Variants in PDE3A observed in about 807,000 individuals in gnomAD.
PDE3A encodes cGMP-inhibited 3',5'-cyclic phosphodiesterase 3A.
In PDE3A, 43 loss-of-function variants were observed where a neutral mutation model predicts 98.3. The ratio of observed to expected loss-of-function variants is 0.44; its 90% CI spans 0.34 to 0.56. The LOEUF (loss-of-function observed/expected upper bound fraction) is 0.56, where lower values mean the gene tolerates loss of function less well. Among genes scored for constraint, PDE3A ranks in the 20% least tolerant of loss-of-function variants. The pLI is 0.01. For synonymous variants in PDE3A, 663 were observed against 567.9 expected, an observed-to-expected ratio of 1.17 and a Z score of -2.38; for missense variants, 1,427 against 1,440.7, an observed-to-expected ratio of 0.99 and a Z score of 0.15.
chr12:20,666,121 T>A (rs1945304237), intron 15 of PDE3A, among the ~76,000 whole-genome samples: 1 of 151,844 alleles, frequency 6.6e-6, no homozygotes, highest in South Asian at 2.1e-4. Flanking sequence ...TATGCCACCA[T>A]GCCCGGCTAA....
intron 1 of PDE3A, among the ~76,000 whole-genome samples, chr12:20,472,541 G>GTC (rs1472429046): frequency 6.6e-6 from 1 of 152,030 alleles, no homozygotes; most frequent in East Asian, 1.9e-4. Flanking sequence ...TGTTAAATCT[G>GTC]TCTCTGAATC....
Position 20,668,153 on chromosome 12 carries a change from C to T in PDE3A, c.3185-11877C>T, listed in dbSNP as rs193116441. Among the ~76,000 whole-genome samples the T allele has an allele frequency of 7.1e-3, 1,075 of 150,714 alleles. 5 individuals carry two copies. The highest frequency in any genetic ancestry group is 0.025 in the African/African-American group (1,023 of 41,042). ...GCGCTTTTCCGACGGGCTTAAAAAA[C>T]GGCGCACCATGAGATTATATCCCGC... On this transcript the variant is annotated intron_variant, in intron 15 of 15. Coordinates refer to ENST00000359062, the MANE Select transcript of PDE3A (RefSeq NM_000921.5).
chr12:20,506,656 C>T (rs963317809), intron 1 of PDE3A, among the ~76,000 whole-genome samples: 8 of 151,792 alleles, frequency 5.3e-5, no homozygotes, highest in South Asian at 2.1e-4. Flanking sequence ...ATATTTGATA[C>T]GTTAACCTGG....
intron 15 of PDE3A, among the ~76,000 whole-genome samples, chr12:20,668,827 C>A (rs1945391887): frequency 6.6e-6 from 1 of 151,724 alleles, no homozygotes; most frequent in Non-Finnish European, 1.5e-5. Context: ...TCCTCACCAG[C>A]AACGGAACAA....
chr12:20,406,324 C>G (rs571692615), intron 1 of PDE3A, among the ~76,000 whole-genome samples: 1 of 152,254 alleles, frequency 6.6e-6, no homozygotes, highest in Non-Finnish European at 1.5e-5. Flanking sequence ...TTTTCGTAAT[C>G]AGTTTACTAA....
chr12:20,629,820 G>A, intron 5 of PDE3A, 88 bp from the exon 6 acceptor site: 1 of 1,006,570 alleles, frequency 9.9e-7, no homozygotes, highest in South Asian at 1.4e-5. Flanking sequence ...TTGTTACTGA[G>A]TTTGTAAGAG....
At chr12:20,591,914 A>T (rs560620296) in intron 2 of PDE3A, among the ~76,000 whole-genome samples, 21 of 152,346 alleles carry the variant, frequency 1.4e-4, no homozygotes, top group Admixed American at 1.4e-3. Flanking sequence ...GAATAAGTAA[A>T]TGTATTTATA....
chr12:20,511,282 C>T (rs780818915), intron 1 of PDE3A, among the ~76,000 whole-genome samples: 3 of 152,024 alleles, frequency 2.0e-5, no homozygotes, highest in African/African-American at 7.2e-5. Flanking sequence ...GCACTGAGAT[C>T]GTGATTTCTA....
At chr12:20,571,536 C>T (rs1297074861) in intron 2 of PDE3A, among the ~76,000 whole-genome samples, 1 of 152,140 alleles carries the variant, frequency 6.6e-6, no homozygotes. Context: ...TTGAATCCTA[C>T]ATTCTGATTA....
At chr12:20,451,679 C>G (rs1011052528) in intron 1 of PDE3A, among the ~76,000 whole-genome samples, 14 of 152,134 alleles carry the variant, frequency 9.2e-5, no homozygotes, top group African/African-American at 3.4e-4. Flanking sequence ...AGAAGAATCC[C>G]AAAGCAAAAG....
intron 5 of PDE3A, 110 bp from the exon 6 acceptor site, chr12:20,629,798 G>A: frequency 1.3e-6 from 1 of 797,338 alleles, no homozygotes. Context: ...GGTGACCTGA[G>A]CAGGCACGTG....
chr12:20,646,541 C>T lies in PDE3A; in HGVS notation c.2303C>T (p.Thr768Ile). ...TDVLHAVWYL[T>I]TQPIPGLSTV... The stretch of plus-strand genomic sequence containing the variant: ...GTTTTACATGCTGTTTGGTATCTTA[C>T]TACACAGCCTATTCCAGGCCTCTCA... Residue 768 changes from threonine (T) to isoleucine (I), a missense_variant, in exon 11 of 16, where the codon ACT becomes ATT. By Grantham distance (89) the Thr-to-Ile change is moderately conservative (BLOSUM62 -1). This residue lies in a region of PDE3A where 273 missense variants were observed against 420.3 expected (regional missense o/e 0.65). Transcript: ENST00000359062. The T allele has an allele frequency of 6.2e-7, 1 of 1,610,830 alleles. No individual in the cohort carries two copies. The highest frequency in any genetic ancestry group is 8.5e-7 in the Non-Finnish European group (1 of 1,177,050).
At chr12:20,398,571 A>C (rs1357121329) in intron 1 of PDE3A, among the ~76,000 whole-genome samples, 2 of 152,102 alleles carry the variant, frequency 1.3e-5, no homozygotes, top group Non-Finnish European at 2.9e-5. Context: ...TGTATTCTGT[A>C]AAATGATATA....
intron 15 of PDE3A, among the ~76,000 whole-genome samples, chr12:20,655,034 A>C (rs563116613): frequency 1.3e-5 from 2 of 152,290 alleles, no homozygotes; most frequent in South Asian, 4.1e-4. Flanking sequence ...AAAATAAAAT[A>C]AAATCCTTGC....
At chr12:20,439,359 A>G (rs1362616955) in intron 1 of PDE3A, among the ~76,000 whole-genome samples, 1 of 152,210 alleles carries the variant, frequency 6.6e-6, no homozygotes, top group African/African-American at 2.4e-5. Context: ...GTTTATATCC[A>G]CATATCATGT....
At chr12:20,418,572 T>A (rs1179341562) in intron 1 of PDE3A, among the ~76,000 whole-genome samples, 2 of 152,192 alleles carry the variant, frequency 1.3e-5, no homozygotes, top group Non-Finnish European at 2.9e-5. Context: ...AAGGCTTTCT[T>A]TTTTAACCAC....
chr12:20,637,184 A>G lies in PDE3A; in HGVS notation c.2086A>G (p.Ile696Val). ...GCAGCTAAATACTTGGAATTTTCCAATTTTTGATTTAGTGGAAAATATAGG... is the reference window on the plus strand; with the variant it reads ...GCAGCTAAATACTTGGAATTTTCCAGTTTTTGATTTAGTGGAAAATATAGG... The part of the protein sequence containing the change: ...MEQLNTWNFP[I>V]FDLVENIGRK... The change falls in exon 9 of 16, where the codon ATT (isoleucine) becomes GTT (valine). Residue 696 changes from isoleucine (I) to valine (V), a missense_variant. Physicochemically the swap from Ile to Val is conservative, Grantham distance 29. Around this residue, in one of 3 missense-constraint regions of PDE3A, gnomAD observed 273 missense variants for 420.3 expected, o/e 0.65. Coordinates refer to ENST00000359062, the MANE Select transcript of PDE3A (RefSeq NM_000921.5). 6 of 1,609,834 alleles carry G rather than the reference A, an allele frequency of 3.7e-6. No individual in the cohort carries two copies. In the Admixed American group the frequency reaches 6.7e-5, roughly 18 times the overall value.
intron 1 of PDE3A, among the ~76,000 whole-genome samples, chr12:20,508,567 T>G (rs12832108): frequency 6.6e-6 from 1 of 151,926 alleles, no homozygotes; most frequent in Non-Finnish European, 1.5e-5. Flanking sequence ...TTTCATTTCA[T>G]GCAGTATTGC....
At chr12:20,576,032 A>T (rs1942924643) in intron 2 of PDE3A, among the ~76,000 whole-genome samples, 1 of 151,992 alleles carries the variant, frequency 6.6e-6, no homozygotes, top group Non-Finnish European at 1.5e-5. Context: ...TAGTAAGTGT[A>T]TATGTTTATA....
Sources: gnomAD v4.1 joint callset for allele counts (sites outside exome capture counted in the v4.1 genomes callset) on GRCh38, gnomAD v4.1.1 for gene constraint, gnomAD v4.1.1 regional missense constraint, MANE v1.5 for transcripts, NCBI Gene and HGNC (gene_info 2026-07-23, HGNC 2026-07-21) for gene names.